The following SMOC2 variants were observed in gnomAD, a reference collection of about 807,000 sequenced individuals.
SMOC2 encodes the protein SPARC related modular calcium binding 2, also known as SPARC-related modular calcium-binding protein 2.
A neutral mutation model predicts 61.4 loss-of-function variants in SMOC2; 39 were observed. The ratio of observed to expected loss-of-function variants is 0.64; its 90% CI spans 0.49 to 0.83. The LOEUF (loss-of-function observed/expected upper bound fraction) is 0.83. Among genes scored for constraint, SMOC2 ranks in the 40% least tolerant of loss-of-function variants. The probability of loss-of-function intolerance (pLI) is 0.00; values close to 1 mark genes in which losing one functional copy is unlikely to be tolerated. For synonymous variants in SMOC2, 247 were observed against 239.9 expected, an observed-to-expected ratio of 1.03 and a Z score of -0.27; for missense variants, 556 against 592.9, an observed-to-expected ratio of 0.94 and a Z score of 0.65.
intron 9 of SMOC2, among the ~76,000 whole-genome samples, chr6:168,630,184 C>G (rs1210708391): frequency 6.6e-6 from 1 of 152,136 alleles, no homozygotes; most frequent in Non-Finnish European, 1.5e-5. Flanking sequence ...AAGACAGGCC[C>G]TCTTAGCTTG....
rs184940990 is a variant in SMOC2 at position 168,478,714 on chromosome 6, A to G, written c.85-31201A>G. Among the ~76,000 whole-genome samples the G allele has an allele frequency of 9.7e-4, 147 of 152,322 alleles. No homozygotes were observed. The Middle Eastern group carries it at 0.021, about 21-fold the overall frequency. On this transcript the variant is annotated intron_variant, in intron 1 of 12. Coordinates refer to ENST00000356284, the MANE Select transcript of SMOC2 (RefSeq NM_001166412.2). The stretch of plus-strand genomic sequence containing the variant: ...GCCTAATCTCTGTCTGCTCTGTCTC[A>G]GGGAAAGGAGTCAGGAACATTGAAT...
At chr6:168,583,210 G>A (rs796495233) in intron 7 of SMOC2, among the ~76,000 whole-genome samples, 8 of 152,356 alleles carry the variant, frequency 5.3e-5, no homozygotes, top group African/African-American at 1.9e-4. Context: ...CAGCTGAGGT[G>A]GAGTCGCTGC....
At chr6:168,547,052 T>G in intron 5 of SMOC2, 67 bp from the exon 6 acceptor site, 1 of 1,599,620 alleles carries the variant, frequency 6.3e-7, no homozygotes, top group South Asian at 1.1e-5. Flanking sequence ...TCCACCCGTA[T>G]GCACACTTAC....
chr6:168,531,469 T>A (rs939422385), intron 4 of SMOC2, among the ~76,000 whole-genome samples: 3 of 152,140 alleles, frequency 2.0e-5, no homozygotes, highest in Non-Finnish European at 4.4e-5. Flanking sequence ...ACAGAGGGAA[T>A]GGGACCAGAT....
Position 168,464,594 on chromosome 6 carries a change from C to A in SMOC2, c.84+23140C>A, listed in dbSNP as rs1359368159. Among the ~76,000 whole-genome samples the A allele has an allele frequency of 3.3e-5, 5 of 151,116 alleles. No homozygotes were observed. In the East Asian group the frequency reaches 9.7e-4, roughly 29 times the overall value. On this transcript the variant is annotated intron_variant, in intron 1 of 12. Coordinates refer to ENST00000356284, the MANE Select transcript of SMOC2 (RefSeq NM_001166412.2). Reference sequence around the variant, plus strand: ...TTTTTTTTTAACATACTTTCTGCATCTAAGGCTCAGAAACCAAAATGCCAG... The same window carrying A: ...TTTTTTTTTAACATACTTTCTGCATATAAGGCTCAGAAACCAAAATGCCAG...
intron 1 of SMOC2, 103 bp downstream of exon 1, chr6:168,441,557 C>T (rs1044748334): frequency 3.0e-5 from 40 of 1,336,694 alleles, no homozygotes; most frequent in Non-Finnish European, 3.7e-5. Flanking sequence ...CGCCTGGGCA[C>T]GGGGAGCAGG....
intron 1 of SMOC2, among the ~76,000 whole-genome samples, chr6:168,444,301 G>A (rs1781283693): frequency 6.6e-6 from 1 of 151,998 alleles, no homozygotes; most frequent in Non-Finnish European, 1.5e-5. Flanking sequence ...GGGGCTTTCA[G>A]TTTGCCATAC....
intron 1 of SMOC2, among the ~76,000 whole-genome samples, chr6:168,447,696 C>T (rs1280292386): frequency 1.3e-5 from 2 of 152,142 alleles, no homozygotes; most frequent in East Asian, 3.9e-4. Context: ...TAGGTAAACA[C>T]GATGGCCTGT....
At chr6:168,556,019 G>A (rs1455088412) in intron 7 of SMOC2, among the ~76,000 whole-genome samples, 2 of 152,182 alleles carry the variant, frequency 1.3e-5, no homozygotes, top group Non-Finnish European at 2.9e-5. Flanking sequence ...TCGCCGTGGC[G>A]GGGTCCAGGC....
intron 8 of SMOC2, among the ~76,000 whole-genome samples, chr6:168,605,299 C>T (rs1209416096): frequency 6.6e-6 from 1 of 152,104 alleles, no homozygotes; most frequent in Non-Finnish European, 1.5e-5. Context: ...GCGTGTCTTT[C>T]AGTGGGGTGT....
intron 1 of SMOC2, among the ~76,000 whole-genome samples, chr6:168,444,383 G>A (rs1257365379): frequency 6.6e-6 from 1 of 152,170 alleles, no homozygotes; most frequent in Non-Finnish European, 1.5e-5. Context: ...GTCCAGCATT[G>A]CTGGTGTGCT....
At chr6:168,530,451 G>A (rs1451662366) in intron 4 of SMOC2, among the ~76,000 whole-genome samples, 1 of 151,944 alleles carries the variant, frequency 6.6e-6, no homozygotes, top group Non-Finnish European at 1.5e-5. Context: ...GCAGAAAAAC[G>A]GCCAAAAGTC....
chr6:168,442,212 G>T (rs556626035), intron 1 of SMOC2, among the ~76,000 whole-genome samples: 1 of 152,400 alleles, frequency 6.6e-6, no homozygotes, highest in Non-Finnish European at 1.5e-5. Flanking sequence ...GGGGCCTCTG[G>T]GTTCTTCCTC....
chr6:168,441,421 G>A lies in SMOC2; in HGVS notation c.51G>A (p.Pro17=). 6.6e-7 allele frequency: 1 copy of A among 1,509,806 alleles called. No homozygotes were observed. Among genetic ancestry groups the A allele is most frequent in the Non-Finnish European group, 8.8e-7 (1 of 1,133,220 alleles). The allele number at this position is 1,509,806 out of a possible 1,614,324, so 93.5% of individuals were successfully genotyped here. The change falls in exon 1 of 13, where the codon CCG becomes CCA. Residue 17 remains proline, a synonymous_variant. Coordinates refer to ENST00000356284, the MANE Select transcript of SMOC2 (RefSeq NM_001166412.2). Reference sequence around the variant, plus strand: ...TGCCGCTGCTCGCTGGGCTGCTCCCGCCGGTGCCCGCTCAGAAGTTCTCGG... The same window carrying A: ...TGCCGCTGCTCGCTGGGCTGCTCCCACCGGTGCCCGCTCAGAAGTTCTCGG... The part of the protein sequence containing the change: ...CWLPLLAGLL[P]PVPAQKFSAL...
At chr6:168,518,522 T>A (rs1409004398) in intron 2 of SMOC2, among the ~76,000 whole-genome samples, 5 of 150,862 alleles carry the variant, frequency 3.3e-5, no homozygotes, top group African/African-American at 1.2e-4. Context: ...TAAATGTGCA[T>A]GTGTGGATGT....
intron 1 of SMOC2, among the ~76,000 whole-genome samples, chr6:168,495,705 A>G (rs73791039): frequency 0.051 from 7,787 of 152,138 alleles, 454 homozygotes; most frequent in African/African-American, 0.14. Flanking sequence ...CACAGGACAC[A>G]GGCGTGACCC....
intron 3 of SMOC2, 65 bp downstream of exon 3, chr6:168,526,517 T>A: frequency 7.2e-7 from 1 of 1,388,068 alleles, no homozygotes; most frequent in Admixed American, 1.7e-5. Flanking sequence ...GGAGCGGGTG[T>A]GGGGAGAAGG....
intron 1 of SMOC2, among the ~76,000 whole-genome samples, chr6:168,508,219 A>G (rs1782921386): frequency 6.6e-6 from 1 of 152,226 alleles, no homozygotes; most frequent in East Asian, 1.9e-4. Context: ...TATGAGTAAC[A>G]TTGGGCAAAT....
rs1400361373 is a variant in SMOC2, at chr6:168,608,136, C to T, written c.825-21C>T. On this transcript the variant is annotated intron_variant, in intron 8 of 12. Transcript: ENST00000356284. ...GCCCGTTGTTTTCTCTCTCCTTCCC[C>T]CGCCTTCCCCCCGCCCATAGGTACG... 5 of 1,599,380 alleles carry T rather than the reference C, an allele frequency of 3.1e-6. No homozygotes were observed. In the Admixed American group the frequency reaches 8.5e-5, roughly 27 times the overall value.
Sources: gnomAD v4.1 joint callset for allele counts (sites outside exome capture counted in the v4.1 genomes callset) on GRCh38, gnomAD v4.1.1 for gene constraint, MANE v1.5 for transcripts, NCBI Gene and HGNC (gene_info 2026-07-23, HGNC 2026-07-21) for gene names.